Variants in EML6 observed in about 807,000 individuals in gnomAD.
EML6 encodes the protein EMAP like 6.
A neutral mutation model predicts 240.1 loss-of-function variants in EML6; 154 were observed. The ratio of observed to expected loss-of-function variants is 0.64; its 90% confidence interval spans 0.56 to 0.73. EML6 has a LOEUF of 0.73. Ranked by LOEUF, EML6 falls within the 30% of genes least tolerant of loss-of-function variation. The pLI is 0.00. For synonymous variants in EML6, 1,148 were observed against 899.0 expected (o/e 1.28, Z -4.95); for missense variants, 2,964 against 2,474.6 (o/e 1.20, Z -4.20).
At chr2:54,832,284 C>G (rs570882707) in intron 7 of EML6, among the ~76,000 whole-genome samples, 1 of 152,206 alleles carries the variant, frequency 6.6e-6, no homozygotes. Context: ...GCTCTGAATC[C>G]CTCTCTAAGG....
At chr2:54,878,302 A>G (rs555909770) in intron 16 of EML6, among the ~76,000 whole-genome samples, 2 of 152,062 alleles carry the variant, frequency 1.3e-5, no homozygotes, top group Non-Finnish European at 2.9e-5. Flanking sequence ...TTTATCACAG[A>G]CCTGTGTTGC....
At chr2:54,929,867 C>G (rs770901734) in intron 28 of EML6, among the ~76,000 whole-genome samples, 4 of 152,068 alleles carry the variant, frequency 2.6e-5, no homozygotes, top group Non-Finnish European at 5.9e-5. Context: ...CCAGAGCTTT[C>G]TTTTAAGAAA....
intron 2 of EML6, among the ~76,000 whole-genome samples, chr2:54,744,563 G>C (rs1385836714): frequency 6.6e-6 from 1 of 152,012 alleles, no homozygotes; most frequent in Non-Finnish European, 1.5e-5. Flanking sequence ...GTGAAGGAAT[G>C]ACCTCTGGAA....
chr2:54,884,224 T>C (rs73938657), intron 17 of EML6, among the ~76,000 whole-genome samples: 1 of 76,494 alleles, frequency 1.3e-5, no homozygotes, highest in Non-Finnish European at 2.7e-5. Flanking sequence ...ATTTGCCAGG[T>C]TATTACAAAG....
chr2:54,863,626 A>G (rs184600824), intron 12 of EML6, among the ~76,000 whole-genome samples, 157 bp from the exon 13 acceptor site: 151 of 152,354 alleles, frequency 9.9e-4, no homozygotes, highest in African/African-American at 3.6e-3. Flanking sequence ...CTAAACCAAA[A>G]GGTGAAAGAA....
intron 17 of EML6, among the ~76,000 whole-genome samples, chr2:54,883,751 C>T (rs566254342): frequency 6.6e-6 from 1 of 152,196 alleles, no homozygotes; most frequent in Non-Finnish European, 1.5e-5. Context: ...CACACCTACA[C>T]TTGCAGGCAA....
chr2:54,927,388 C>G (rs1002891713), intron 26 of EML6, among the ~76,000 whole-genome samples: 1 of 152,200 alleles, frequency 6.6e-6, no homozygotes, highest in African/African-American at 2.4e-5. Context: ...TTGTAAATTA[C>G]TTAATAAAAT....
intron 26 of EML6, 34 bp downstream of exon 26, chr2:54,916,969 A>T (rs1558683460): frequency 1.4e-6 from 2 of 1,462,440 alleles, no homozygotes; most frequent in African/African-American, 2.8e-5. Flanking sequence ...TTACTTGCTC[A>T]GTCTCCTTAA....
chr2:54,873,113 C>G (rs1462593351), intron 16 of EML6, among the ~76,000 whole-genome samples: 1 of 152,184 alleles, frequency 6.6e-6, no homozygotes, highest in Non-Finnish European at 1.5e-5. Flanking sequence ...CTTGCCTTTC[C>G]CTATTACTAC....
At chr2:54,730,517 A>G (rs964917374) in intron 2 of EML6, among the ~76,000 whole-genome samples, 4 of 152,190 alleles carry the variant, frequency 2.6e-5, no homozygotes, top group African/African-American at 9.7e-5. Flanking sequence ...ATCCTATTGA[A>G]TTCTCCCACC....
intron 24 of EML6, among the ~76,000 whole-genome samples, chr2:54,910,715 A>T (rs1182865145): frequency 6.6e-6 from 1 of 152,290 alleles, no homozygotes; most frequent in East Asian, 1.9e-4. Flanking sequence ...TTCTTCTGTT[A>T]TTTGAAGGAT....
intron 2 of EML6, among the ~76,000 whole-genome samples, chr2:54,800,835 C>T (rs529347604): frequency 6.6e-6 from 1 of 152,216 alleles, no homozygotes; most frequent in African/African-American, 2.4e-5. Flanking sequence ...ATGTAGGATC[C>T]TCAACTCCAG....
At chr2:54,864,808 C>T (rs1488607802) in intron 13 of EML6, among the ~76,000 whole-genome samples, 1 of 152,128 alleles carries the variant, frequency 6.6e-6, no homozygotes, top group Non-Finnish European at 1.5e-5. Flanking sequence ...ACTTGGTTTG[C>T]CTCTATATAA....
chr2:54,924,256 T>C (rs188924593), intron 26 of EML6, among the ~76,000 whole-genome samples: 95 of 152,334 alleles, frequency 6.2e-4, no homozygotes, highest in Non-Finnish European at 1.0e-3. Context: ...GTTGCTGATA[T>C]TCGATCTTGT....
At chr2:54,874,363 C>T (rs1671400878) in intron 16 of EML6, among the ~76,000 whole-genome samples, 1 of 152,142 alleles carries the variant, frequency 6.6e-6, no homozygotes, top group Non-Finnish European at 1.5e-5. Flanking sequence ...AGGTGAGGAG[C>T]CCGATTCTGT....
chr2:54,862,556 T>A (rs1427398172), intron 12 of EML6, among the ~76,000 whole-genome samples: 1 of 151,910 alleles, frequency 6.6e-6, no homozygotes, highest in African/African-American at 2.4e-5. Context: ...ACTTACGTGT[T>A]ACCAACATGC....
chr2:54,951,828 G>T (rs532531745), intron 30 of EML6, among the ~76,000 whole-genome samples: 3 of 152,158 alleles, frequency 2.0e-5, no homozygotes, highest in Non-Finnish European at 4.4e-5. Flanking sequence ...TGAGGGGGAG[G>T]AGGACCTTGA....
At chr2:54,869,438 G>C in intron 15 of EML6, 71 bp downstream of exon 15, 2 of 1,101,406 alleles carry the variant, frequency 1.8e-6, no homozygotes, top group Non-Finnish European at 2.6e-6. Flanking sequence ...TTACATATTA[G>C]AAATTCAAGA....
chr2:54,903,014 A>G, intron 22 of EML6, 30 bp from the exon 23 acceptor site: 1 of 1,544,720 alleles, frequency 6.5e-7, no homozygotes, highest in Non-Finnish European at 8.7e-7. Context: ...AGTTTTGGAT[A>G]ATAAGTGTTT....
Sources: gnomAD v4.1 joint callset for allele counts (sites outside exome capture counted in the v4.1 genomes callset) on GRCh38, gnomAD v4.1.1 for gene constraint, MANE v1.5 for transcripts, NCBI Gene and HGNC (gene_info 2026-07-23, HGNC 2026-07-21) for gene names.